Variants in RASGRF1 observed in about 807,000 individuals in gnomAD.
RASGRF1 encodes Ras protein specific guanine nucleotide releasing factor 1, also known as ras-specific guanine nucleotide-releasing factor 1.
A neutral mutation model predicts 138.7 loss-of-function variants in RASGRF1; 40 were observed. The ratio of observed to expected loss-of-function variants is 0.29; its 90% CI spans 0.22 to 0.38. The LOEUF is 0.38. Among genes scored for constraint, RASGRF1 ranks in the 10% least tolerant of loss-of-function variants. The pLI is 1.00. For synonymous variants in RASGRF1, 614 were observed against 663.2 expected, an observed-to-expected ratio of 0.93 and a Z score of 1.14; for missense variants, 1,108 against 1,650.4, an observed-to-expected ratio of 0.67 and a Z score of 5.69.
chr15:79,012,935 G>A (rs1039452435), intron 13 of RASGRF1, among the ~76,000 whole-genome samples: 5 of 152,084 alleles, frequency 3.3e-5, no homozygotes, highest in Middle Eastern at 3.2e-3. Flanking sequence ...CACCCACCTC[G>A]GCCTCCCAAA....
At chr15:79,001,632 T>C (rs1224659670) in intron 16 of RASGRF1, 30 bp downstream of exon 16, 4 of 1,610,628 alleles carry the variant, frequency 2.5e-6, no homozygotes, top group Admixed American at 1.7e-5. Context: ...ACTGGAAATC[T>C]ATTTGTGGTT....
At position 79,031,525 on chromosome 15, in the gene RASGRF1, A is replaced by G. The variant is rs1475564613; in HGVS notation, c.1153-16T>C. The G allele has an allele frequency of 1.9e-6, 3 of 1,581,628 alleles. No homozygotes were observed. Among genetic ancestry groups the G allele is most frequent in the Non-Finnish European group, 2.6e-6 (3 of 1,154,868 alleles). On this transcript the variant is annotated splice_polypyrimidine_tract_variant and intron_variant, in intron 7 of 26. Transcript: ENST00000558480. ...ACCTGGGGATCTGCGGGCAGGTGGG[A>G]GAGGTGAGGGTGGAGAAAGAGCCAG...
Position 79,064,287 on chromosome 15 carries a change from A to T in RASGRF1, c.383+133T>A, listed in dbSNP as rs1418093624. The T allele has an allele frequency of 3.7e-6, 3 of 807,556 alleles. No individual in the cohort carries two copies. The East Asian group carries it at 7.6e-5, about 20-fold the overall frequency. The allele number at this position is 807,556 out of a possible 1,614,324, so 50.0% of individuals were successfully genotyped here. On this transcript the variant is annotated intron_variant, in intron 2 of 26. Transcript: ENST00000558480. ...CAGGATGTAAGGGTGGACCCTGCCA[A>T]GAGATGCTTCTCCTCCTCCTTTCCC...
intron 1 of RASGRF1, among the ~76,000 whole-genome samples, chr15:79,067,054 C>T (rs1030609486): frequency 6.6e-6 from 1 of 152,202 alleles, no homozygotes; most frequent in Non-Finnish European, 1.5e-5. Context: ...AAGCATCCTG[C>T]ATCTGCTGTC....
intron 25 of RASGRF1, among the ~76,000 whole-genome samples, chr15:78,972,699 A>G (rs1039374022): frequency 2.6e-5 from 4 of 152,124 alleles, no homozygotes; most frequent in Non-Finnish European, 5.9e-5. Flanking sequence ...CATTATATAA[A>G]ACTGGTGCAA....
intron 23 of RASGRF1, 51 bp downstream of exon 23, chr15:78,984,956 T>C (rs3803544): frequency 0.27 from 431,024 of 1,575,062 alleles, 60,568 homozygotes; most frequent in African/African-American, 0.41. Context: ...CTTCCTGCCC[T>C]AGCCCCAATC....
At chr15:79,013,981 G>A (rs770371087) in intron 13 of RASGRF1, among the ~76,000 whole-genome samples, 5 of 152,196 alleles carry the variant, frequency 3.3e-5, no homozygotes, top group Non-Finnish European at 5.9e-5. Flanking sequence ...CATTCCTAAT[G>A]TTATATTTTA....
At chr15:79,047,111 G>A (rs752053958) in intron 4 of RASGRF1, 112 bp from the exon 5 acceptor site, 107 of 1,329,800 alleles carry the variant, frequency 8.0e-5, no homozygotes, top group Admixed American at 5.1e-4. Flanking sequence ...TTATTCCTAC[G>A]CCGGGCATGT....
chr15:78,997,027 C>T (rs919068297), intron 19 of RASGRF1, among the ~76,000 whole-genome samples: 5 of 152,226 alleles, frequency 3.3e-5, no homozygotes, highest in Admixed American at 2.0e-4. Flanking sequence ...GTGCCCGCCA[C>T]CCACTGAACA....
intron 1 of RASGRF1, among the ~76,000 whole-genome samples, chr15:79,087,396 C>G (rs2057995570): frequency 6.6e-6 from 1 of 152,248 alleles, no homozygotes; most frequent in African/African-American, 2.4e-5. Flanking sequence ...GGTTCCCAGC[C>G]AAGAGTTGGT....
intron 10 of RASGRF1, among the ~76,000 whole-genome samples, chr15:79,023,014 A>G (rs1342636280): frequency 6.6e-6 from 1 of 152,124 alleles, no homozygotes; most frequent in Non-Finnish European, 1.5e-5. Context: ...CTCTACTAAA[A>G]ATACAAAAAA....
In RASGRF1 at chr15:79,073,400, G is replaced by A. The variant is rs1402243940; in HGVS notation, c.277-8874C>T. Reference sequence around the variant, plus strand: ...AAGGGCTCCCCAAACTGCCCCAACAGGGAAGTGAGGCGGGGAGTTTGCCTT... The same window carrying A: ...AAGGGCTCCCCAAACTGCCCCAACAAGGAAGTGAGGCGGGGAGTTTGCCTT... On this transcript the variant is annotated intron_variant, in intron 1 of 26. Transcript: ENST00000558480. The surrounding 1 kb of genome is among the most constrained non-coding windows in gnomAD (Gnocchi z 4.2). Among the ~76,000 whole-genome samples, 2 of 152,156 alleles carry A rather than the reference G, an allele frequency of 1.3e-5. No homozygotes were observed. Among genetic ancestry groups the A allele is most frequent in the African/African-American group, 4.8e-5 (2 of 41,442 alleles).
intron 5 of RASGRF1, among the ~76,000 whole-genome samples, chr15:79,041,412 TA>T (rs1227581227): frequency 6.6e-6 from 1 of 152,130 alleles, no homozygotes; most frequent in African/African-American, 2.4e-5. Context: ...ACAGTTAATA[TA>T]GTGAGAGACC....
intron 1 of RASGRF1, 63 bp from the exon 2 acceptor site, chr15:79,064,589 CA>C (rs2057652180): frequency 5.3e-6 from 8 of 1,501,036 alleles, no homozygotes; most frequent in Non-Finnish European, 7.4e-6. Flanking sequence ...ACGACTCTTG[CA>C]ATCAATCTAG....
At chr15:79,004,412 C>T (rs569929549) in intron 14 of RASGRF1, among the ~76,000 whole-genome samples, 9 of 152,206 alleles carry the variant, frequency 5.9e-5, no homozygotes, top group Admixed American at 6.5e-5. Flanking sequence ...TATGCTCCGC[C>T]CCCCCACCCC....
intron 10 of RASGRF1, 114 bp downstream of exon 10, chr15:79,025,200 G>T: frequency 1.6e-6 from 2 of 1,221,336 alleles, no homozygotes; most frequent in Non-Finnish European, 2.2e-6. Flanking sequence ...GTGTGTGCAT[G>T]CACACGTCTC....
chr15:79,081,473 C>T lies in RASGRF1; in HGVS notation c.276+8750G>A, dbSNP rs74484062. ...ACAGATCGGAGCAGCCCCTTTCCCA[C>T]TCAGAGCCCTGCACTGGCTCTGCAC... On this transcript the variant is annotated intron_variant, in intron 1 of 26. Transcript: ENST00000558480. Among the ~76,000 whole-genome samples the T allele has an allele frequency of 6.4e-3, 980 of 152,328 alleles. 10 individuals carry two copies. The highest frequency in any genetic ancestry group is 0.022 in the African/African-American group (934 of 41,574).
At chr15:78,980,537 C>G in intron 24 of RASGRF1, 83 bp downstream of exon 24, 3 of 1,140,198 alleles carry the variant, frequency 2.6e-6, no homozygotes, top group Non-Finnish European at 3.9e-6. Context: ...ACCTCCTGCT[C>G]TGGCTGGGGG....
intron 22 of RASGRF1, among the ~76,000 whole-genome samples, chr15:78,986,566 C>T (rs992123611): frequency 6.6e-6 from 1 of 152,064 alleles, no homozygotes; most frequent in Non-Finnish European, 1.5e-5. Flanking sequence ...ACGCTGGTCT[C>T]GAACTCCTGA....
Sources: allele counts gnomAD v4.1 joint callset (sites outside exome capture counted in the v4.1 genomes callset), GRCh38; gene constraint gnomAD v4.1.1; non-coding constraint Gnocchi (gnomAD v3.1); transcripts MANE v1.5; gene names NCBI Gene and HGNC (gene_info 2026-07-23, HGNC 2026-07-21).